The following GINS2 variants were observed in gnomAD, a reference collection of about 807,000 sequenced individuals.
GINS2 encodes the protein GINS complex subunit 2, also known as DNA replication complex GINS protein PSF2.
In GINS2, 23 loss-of-function variants were observed where a neutral mutation model predicts 21.2. That is an observed-to-expected ratio of 1.08 (90% confidence interval 0.78 to 1.53). The LOEUF (loss-of-function observed/expected upper bound fraction) is 1.53, where lower values mean the gene tolerates loss of function less well. Among genes scored for constraint, GINS2 ranks in the 40% most tolerant of loss-of-function variants. GINS2 has a pLI of 0.00. For synonymous variants in GINS2, 118 were observed against 85.6 expected (o/e 1.38, Z -2.09); for missense variants, 323 against 233.9 (o/e 1.38, Z -2.49).
rs559419224 is a variant in GINS2 at position 85,677,380 on chromosome 16, A to G, written c.*832T>C. ...CCTACAACAAAGAATCCTTCCCCAA[A>G]TCCATCAAGAGCAGCACTGAAAGTG... On this transcript the variant is annotated 3_prime_UTR_variant, in exon 5 of 5. Coordinates refer to ENST00000253462, the MANE Select transcript of GINS2 (RefSeq NM_016095.3). 1 of 152,214 alleles carries G rather than the reference A, an allele frequency of 6.6e-6. No individual in the cohort carries two copies. The highest frequency in any genetic ancestry group is 1.5e-5 in the Non-Finnish European group (1 of 68,032). 9.4% of individuals were successfully genotyped at this position (152,214 alleles called of 1,614,324 possible). A position where few individuals can be genotyped will look rare whatever the true frequency, so the allele number is the denominator to read the frequency against.
chr16:85,687,206 G>C (rs1476425153), intron 2 of GINS2, among the ~76,000 whole-genome samples: 1 of 152,246 alleles, frequency 6.6e-6, no homozygotes, highest in Non-Finnish European at 1.5e-5. Flanking sequence ...GGGTGATGGA[G>C]TCAGACCCGT....
intron 3 of GINS2, among the ~76,000 whole-genome samples, chr16:85,680,492 C>G (rs921825403): frequency 1.3e-5 from 2 of 152,074 alleles, no homozygotes; most frequent in Admixed American, 6.6e-5. Flanking sequence ...AATTATCCAC[C>G]CTTGTCTGCC....
chr16:85,686,658 A>G (rs182915716), intron 2 of GINS2, among the ~76,000 whole-genome samples: 3 of 152,328 alleles, frequency 2.0e-5, no homozygotes, highest in Admixed American at 2.0e-4. Flanking sequence ...GACAGTTGAT[A>G]GAAATGGAAT....
In GINS2 at chr16:85,687,583, AG is replaced by A; in HGVS notation, c.91-10del. Reference sequence around the variant, plus strand: ...AAAGGCCCCAGGTCCCCCTGCCAAAAGTAAAACAATTCCCCGTAAGATTGAA... The same window carrying A: ...AAAGGCCCCAGGTCCCCCTGCCAAAATAAAACAATTCCCCGTAAGATTGAA... On this transcript the variant is annotated splice_polypyrimidine_tract_variant and intron_variant, in intron 1 of 4. Transcript: ENST00000253462. 1 of 1,483,834 alleles carries A rather than the reference AG, an allele frequency of 6.7e-7. No homozygotes were observed. The allele number at this position is 1,483,834 out of a possible 1,614,324, so 91.9% of individuals were successfully genotyped here. A position where few individuals can be genotyped will look rare whatever the true frequency, so the allele number is the denominator to read the frequency against.
At chr16:85,688,203 C>G (rs13332432) in intron 1 of GINS2, among the ~76,000 whole-genome samples, 46,193 of 151,926 alleles carry the variant, frequency 0.3, 7,232 homozygotes, top group African/African-American at 0.38. Flanking sequence ...GGGAGGCCGA[C>G]GTGGGAGGAT....
intron 3 of GINS2, among the ~76,000 whole-genome samples, chr16:85,681,108 A>G (rs572155936): frequency 6.6e-6 from 1 of 152,344 alleles, no homozygotes; most frequent in South Asian, 2.1e-4. Flanking sequence ...TAACCCAAGG[A>G]CAGAGGCAAA....
chr16:85,685,058 G>C (rs1462426688), intron 2 of GINS2, among the ~76,000 whole-genome samples: 4 of 152,036 alleles, frequency 2.6e-5, no homozygotes, highest in African/African-American at 9.7e-5. Context: ...CAAAGTGCTG[G>C]GATTACAGGC....
At chr16:85,687,170 G>C (rs528442611) in intron 2 of GINS2, among the ~76,000 whole-genome samples, 1 of 152,248 alleles carries the variant, frequency 6.6e-6, no homozygotes, top group Non-Finnish European at 1.5e-5. Flanking sequence ...GCATTGAGCC[G>C]AGATTGCACC....
rs748499674 is a variant in GINS2 at position 85,677,553 on chromosome 16, T to G, written c.*659A>C. 6.6e-6 allele frequency: 1 copy of G among 152,258 alleles called. No homozygotes were observed. Among genetic ancestry groups the G allele is most frequent in the Non-Finnish European group, 1.5e-5 (1 of 68,064 alleles). The allele number at this position is 152,258 out of a possible 1,614,324, so 9.4% of individuals were successfully genotyped here. A position where few individuals can be genotyped will look rare whatever the true frequency, so the allele number is the denominator to read the frequency against. On this transcript the variant is annotated 3_prime_UTR_variant, in exon 5 of 5. Coordinates refer to ENST00000253462, the MANE Select transcript of GINS2 (RefSeq NM_016095.3). ...CCAAGAGAAGGAGACACCCCAGGTG[T>G]TGGTCTGCAGTTTCCACTTAACTGC...
At chr16:85,686,671 T>C (rs140024671) in intron 2 of GINS2, among the ~76,000 whole-genome samples, 2 of 152,352 alleles carry the variant, frequency 1.3e-5, no homozygotes, top group Admixed American at 6.5e-5. Context: ...AATGGAATGA[T>C]ACAGTGTGCG....
intron 3 of GINS2, among the ~76,000 whole-genome samples, chr16:85,679,508 G>A (rs1485677645): frequency 6.6e-6 from 1 of 152,180 alleles, no homozygotes; most frequent in Non-Finnish European, 1.5e-5. Flanking sequence ...CAAACCACTG[G>A]TACAAAATTT....
chr16:85,686,303 A>G (rs1203792348), intron 2 of GINS2, among the ~76,000 whole-genome samples: 1 of 152,140 alleles, frequency 6.6e-6, no homozygotes, highest in Non-Finnish European at 1.5e-5. Flanking sequence ...CTGTAGTCCC[A>G]GCTACTTGGG....
chr16:85,685,670 C>CAAAAAAAAAAAAAAAAAA (rs752631926), intron 2 of GINS2, among the ~76,000 whole-genome samples: 46 of 55,280 alleles, frequency 8.3e-4, no homozygotes, highest in African/African-American at 2.4e-3. Flanking sequence ...GACCCTTTCT[C>CAAAAAAAAAAAAAAAAAA]AAAAAAAAAA....
chr16:85,679,548 C>T (rs977882075), intron 3 of GINS2, among the ~76,000 whole-genome samples: 2 of 152,232 alleles, frequency 1.3e-5, no homozygotes, highest in African/African-American at 4.8e-5. Flanking sequence ...TAAACCCAAA[C>T]ATTTAGATCT....
At chr16:85,679,030 G>C (rs970644466) in intron 3 of GINS2, among the ~76,000 whole-genome samples, 2 of 152,304 alleles carry the variant, frequency 1.3e-5, no homozygotes, top group South Asian at 4.2e-4. Context: ...CTGGCTCAAA[G>C]GTCGAGTTCT....
At chr16:85,685,324 A>T (rs1005959864) in intron 2 of GINS2, among the ~76,000 whole-genome samples, 1 of 152,112 alleles carries the variant, frequency 6.6e-6, no homozygotes, top group Non-Finnish European at 1.5e-5. Flanking sequence ...GATTTTAAAC[A>T]AGGGGCCTGG....
chr16:85,678,771 CAGAA>C (rs1000937228), intron 3 of GINS2, 105 bp from the exon 4 acceptor site: 2 of 1,099,458 alleles, frequency 1.8e-6, no homozygotes, highest in Non-Finnish European at 2.7e-6. Flanking sequence ...ATTCCAGACT[CAGAA>C]AGTCTGTTTT....
intron 3 of GINS2, 132 bp from the exon 4 acceptor site, chr16:85,678,798 A>C: frequency 1.2e-6 from 1 of 839,776 alleles, no homozygotes; most frequent in Non-Finnish European, 1.9e-6. Context: ...TTTATTTTCA[A>C]CTTTAGGGTG....
At chr16:85,687,600 T>C in intron 1 of GINS2, 26 bp from the exon 2 acceptor site, 1 of 1,371,800 alleles carries the variant, frequency 7.3e-7, no homozygotes, top group Admixed American at 2.4e-5. Context: ...CAATTCCCCG[T>C]AAGATTGAAA....
Sources: gnomAD v4.1 joint callset for allele counts (sites outside exome capture counted in the v4.1 genomes callset) on GRCh38, gnomAD v4.1.1 for gene constraint, MANE v1.5 for transcripts, NCBI Gene and HGNC (gene_info 2026-07-23, HGNC 2026-07-21) for gene names.